Variants in AIFM1 observed in about 807,000 individuals in gnomAD.
The protein encoded by AIFM1 is apoptosis-inducing factor 1, mitochondrial.
A neutral mutation model predicts 51.7 loss-of-function variants in AIFM1; 3 were observed. The ratio of observed to expected loss-of-function variants is 0.06; its 90% CI spans 0.03 to 0.15. AIFM1 has a LOEUF of 0.15. Among genes scored for constraint, AIFM1 ranks in the 10% least tolerant of loss-of-function variants. AIFM1 has a pLI of 1.00. For synonymous variants in AIFM1, 178 were observed against 179.4 expected (o/e 0.99, Z 0.06); for missense variants, 330 against 476.8 (o/e 0.69, Z 2.87).
chrX:130,148,190 G>A (rs762453544), intron 3 of AIFM1, among the ~76,000 whole-genome samples: 2 of 111,888 alleles, frequency 1.8e-5, no homozygotes, highest in African/African-American at 3.3e-5. Context: ...TACATCAGTA[G>A]GCTTTTGCCC....
At position 130,165,624 on chromosome X, in the gene AIFM1, A is replaced by G; in HGVS notation, c.33T>C (p.Ala11=). The stretch of plus-strand genomic sequence containing the variant: ...CCAAGGGCACCAGCTTCTGCTTCAA[A>G]GCACCCGCCGCCAGGCCTCCACACC... MFRCGGLAAG[A]LKQKLVPLVR... is the part of the protein sequence containing the mutation. Residue 11 remains alanine, a synonymous_variant, in exon 1 of 16, where the codon GCT becomes GCC. Transcript: ENST00000287295. 8.3e-7 allele frequency: 1 copy of G among 1,201,963 alleles called. No individual in the cohort carries two copies. The highest frequency in any genetic ancestry group is 1.1e-6 in the Non-Finnish European group (1 of 890,255).
intron 6 of AIFM1, among the ~76,000 whole-genome samples, chrX:130,144,260 G>T: frequency 9.0e-6 from 1 of 110,856 alleles, no homozygotes; most frequent in African/African-American, 3.3e-5. Flanking sequence ...CTCTGAAATG[G>T]TCTCTCTCTA....
intron 1 of AIFM1, among the ~76,000 whole-genome samples, chrX:130,164,458 G>T (rs1181243775): frequency 8.9e-6 from 1 of 112,469 alleles, no homozygotes; most frequent in Non-Finnish European, 1.9e-5. Context: ...TATTTTTAAA[G>T]CACCCAGGTG....
chrX:130,131,780 C>T lies in AIFM1; in HGVS notation c.1468G>A (p.Val490Ile), dbSNP rs2030092062. The change falls in exon 14 of 16, where the codon GTT becomes ATT. Residue 490 changes from valine (V) to isoleucine (I), a missense_variant. Physicochemically the swap from Val to Ile is conservative, Grantham distance 29. Transcript: ENST00000287295. ...ACAAGACCAATAGCTTCATAGCCAA[C>T]ATCGGGGCCCAAATCACTCCTAAGA... ...SMFWSDLGPD[V>I]GYEAIGLVDS... 8.3e-7 allele frequency: 1 copy of T among 1,210,435 alleles called. No homozygotes were observed. Among genetic ancestry groups the T allele is most frequent in the African/African-American group, 1.7e-5 (1 of 57,348 alleles).
In AIFM1 at chrX:130,136,197, A is replaced by G. The variant is rs1166829376; in HGVS notation, c.1165-12T>C. The G allele has an allele frequency of 8.3e-7, 1 of 1,211,691 alleles. No individual in the cohort carries two copies. The highest frequency in any genetic ancestry group is 2.2e-5 in the Admixed American group (1 of 46,113). ...TGGTCAGTTTCTACCTGAGGCAAAAAAGAAATAATTCAGTCAATTACCACA... is the reference window on the plus strand; with the variant it reads ...TGGTCAGTTTCTACCTGAGGCAAAAGAGAAATAATTCAGTCAATTACCACA... On this transcript the variant is annotated splice_polypyrimidine_tract_variant and intron_variant, in intron 11 of 15. Coordinates refer to ENST00000287295, the MANE Select transcript of AIFM1 (RefSeq NM_004208.4).
At chrX:130,153,377 C>CGGCA (rs2031062249) in intron 2 of AIFM1, among the ~76,000 whole-genome samples, 1 of 98,945 alleles carries the variant, frequency 1.0e-5, no homozygotes, top group Non-Finnish European at 2.0e-5. Context: ...AAAAAAAAGT[C>CGGCA]GGCAGTTTAC....
intron 1 of AIFM1, among the ~76,000 whole-genome samples, chrX:130,158,598 A>G (rs1239058922): frequency 9.2e-6 from 1 of 108,654 alleles, no homozygotes; most frequent in Non-Finnish European, 1.9e-5. Flanking sequence ...CCATCTGTCT[A>G]GAGCAGGTAT....
chrX:130,156,930 AGATGACT>A (rs2031184712), intron 1 of AIFM1, among the ~76,000 whole-genome samples: 2 of 111,627 alleles, frequency 1.8e-5, no homozygotes, highest in African/African-American at 6.5e-5. Context: ...AAACACAGAG[AGATGACT>A]GAATAGGTAG....
chrX:130,150,327 T>A (rs79699728), intron 2 of AIFM1, among the ~76,000 whole-genome samples: 1 of 65,199 alleles, frequency 1.5e-5, no homozygotes, highest in Non-Finnish European at 3.0e-5. Flanking sequence ...TATTGGAGAC[T>A]TTTTTTTTTT....
At chrX:130,129,706 G>C in intron 15 of AIFM1, 78 bp from the exon 16 acceptor site, 1 of 949,496 alleles carries the variant, frequency 1.1e-6, no homozygotes, top group South Asian at 1.9e-5. Context: ...GGGGCTACCT[G>C]GGGCAGTCCC....
At chrX:130,135,881 C>G (rs1049824854) in intron 12 of AIFM1, among the ~76,000 whole-genome samples, 164 bp downstream of exon 12, 1 of 111,942 alleles carries the variant, frequency 8.9e-6, no homozygotes, top group Non-Finnish European at 1.9e-5. Flanking sequence ...CATACCTGGT[C>G]TTCTGAATCA....
At chrX:130,165,048 C>T (rs1470837246) in intron 1 of AIFM1, among the ~76,000 whole-genome samples, 2 of 109,627 alleles carry the variant, frequency 1.8e-5, no homozygotes, top group African/African-American at 6.7e-5. Context: ...GGTACACAAC[C>T]AACCGACTCC....
intron 12 of AIFM1, among the ~76,000 whole-genome samples, chrX:130,135,438 T>TAA (rs1247970185): frequency 2.1e-3 from 49 of 23,005 alleles, no homozygotes; most frequent in South Asian, 3.0e-3. Flanking sequence ...CTTTTTTTTT[T>TAA]TAAAAAAAAA....
intron 12 of AIFM1, among the ~76,000 whole-genome samples, chrX:130,134,274 A>G (rs1227742746): frequency 1.8e-5 from 2 of 110,675 alleles, no homozygotes; most frequent in Non-Finnish European, 3.8e-5. Flanking sequence ...CTGCTTCCAT[A>G]AAGCTAACCT....
chrX:130,161,211 G>A (rs2031335948), intron 1 of AIFM1, among the ~76,000 whole-genome samples: 1 of 110,721 alleles, frequency 9.0e-6, no homozygotes, highest in Non-Finnish European at 1.9e-5. Flanking sequence ...GATTTTTCCA[G>A]CATGGAGAAA....
chrX:130,160,939 GT>G (rs747410547), intron 1 of AIFM1, among the ~76,000 whole-genome samples: 11 of 109,694 alleles, frequency 1.0e-4, no homozygotes, highest in African/African-American at 3.3e-4. Flanking sequence ...AAACTTAAGA[GT>G]TTTTTTTAAA....
intron 14 of AIFM1, 120 bp from the exon 15 acceptor site, chrX:130,130,286 GGATTT>G: frequency 1.2e-6 from 1 of 833,145 alleles, no homozygotes; most frequent in Non-Finnish European, 1.7e-6. Context: ...TACTTCTAGA[GGATTT>G]ATTTCTCTAT....
At chrX:130,157,478 G>A (rs752784385) in intron 1 of AIFM1, among the ~76,000 whole-genome samples, 237 of 111,857 alleles carry the variant, frequency 2.1e-3, no homozygotes, top group Non-Finnish European at 3.6e-3. Flanking sequence ...AGAACCAGAT[G>A]GTAAATATTT....
intron 1 of AIFM1, among the ~76,000 whole-genome samples, chrX:130,159,863 C>G (rs901712559): frequency 9.2e-6 from 1 of 108,641 alleles, no homozygotes; most frequent in African/African-American, 3.4e-5. Context: ...ACTCTGTCCC[C>G]AAGCTGGAGT....
Sources: gnomAD v4.1 joint callset for allele counts (sites outside exome capture counted in the v4.1 genomes callset) on GRCh38, gnomAD v4.1.1 for gene constraint, MANE v1.5 for transcripts, NCBI Gene and HGNC (gene_info 2026-07-23, HGNC 2026-07-21) for gene names.